The following FAHD2B variants were observed in gnomAD, a reference collection of about 807,000 sequenced individuals.
The protein encoded by FAHD2B is fumarylacetoacetate hydrolase domain containing 2B, also known as oxaloacetate tautomerase FAHD2B, mitochondrial.
A neutral mutation model predicts 33.7 loss-of-function variants in FAHD2B; 26 were observed. That is an observed-to-expected ratio of 0.77 (90% CI 0.57 to 1.07). The LOEUF (loss-of-function observed/expected upper bound fraction) is 1.07, where lower values mean the gene tolerates loss of function less well. FAHD2B is among the 50% of genes least tolerant of loss of function. FAHD2B has a pLI of 0.00. For synonymous variants in FAHD2B, 108 were observed against 150.9 expected (o/e 0.72, Z 2.08); for missense variants, 272 against 388.1 (o/e 0.70, Z 2.51).
downstream of FAHD2B, among the ~76,000 whole-genome samples, chr2:97,079,813 C>A (rs1406422781): frequency 7.2e-5 from 11 of 151,796 alleles, no homozygotes; most frequent in Admixed American, 7.2e-4. Context: ...TACAGGCATG[C>A]ACCACCACGC....
Position 97,083,734 on chromosome 2 carries a change from G to C in FAHD2B, c.*21C>G. ...GTGGGAGCAGATGCCCTCATCCTAT[G>C]TCGGGCCTGTGCAGGAGCCATCACA... On this transcript the variant is annotated 3_prime_UTR_variant, in exon 9 of 9. Transcript: ENST00000414820. 1 of 1,614,062 alleles carries C rather than the reference G, an allele frequency of 6.2e-7. No individual in the cohort carries two copies. Among genetic ancestry groups the C allele is most frequent in the Non-Finnish European group, 8.5e-7 (1 of 1,180,036 alleles).
chr2:97,083,102 C>T (rs2031715666), downstream of FAHD2B: 1 of 1,520,112 alleles, frequency 6.6e-7, no homozygotes, highest in African/African-American at 1.4e-5. Context: ...AGACACAGTC[C>T]CTGTGGTGAG....
chr2:97,081,264 A>G (rs2031635443), downstream of FAHD2B: 10 of 1,472,984 alleles, frequency 6.8e-6, no homozygotes, highest in Middle Eastern at 4.6e-4. Flanking sequence ...GGCCTCCCCT[A>G]CGGCCCACTT....
chr2:97,081,632 G>A, downstream of FAHD2B: 20 of 1,452,724 alleles, frequency 1.4e-5, no homozygotes, highest in Non-Finnish European at 1.8e-5. Context: ...TGTGGGGGTG[G>A]GCAGCCCCTG....
At chr2:97,081,341 C>T, downstream of FAHD2B, 7 of 1,559,780 alleles carry the variant, frequency 4.5e-6, no homozygotes, top group Non-Finnish European at 6.0e-6. Flanking sequence ...CCTCTGAAAC[C>T]TCCTGGGTGG....
At chr2:97,088,175 G>A (rs954226257) in intron 4 of FAHD2B, among the ~76,000 whole-genome samples, 19 of 152,056 alleles carry the variant, frequency 1.2e-4, no homozygotes, top group African/African-American at 1.9e-4. Context: ...TTTCTGTATC[G>A]TCCCTGGTGG....
In FAHD2B at chr2:97,083,987, T is replaced by C. The variant is rs1559134146; in HGVS notation, c.843A>G (p.Pro281=). ...GAGGTTTCCTGAATACACCGACACCTGGGGGGGTCCCAGTTAGGATGACAT... is the reference window on the plus strand; with the variant it reads ...GAGGTTTCCTGAATACACCGACACCCGGGGGGGTCCCAGTTAGGATGACAT... ...PGDVILTGTP[P]GVGVFRKPPV... Residue 281 remains proline (P), a synonymous_variant, in exon 8 of 9, where the codon CCA becomes CCG. Coordinates refer to ENST00000414820, the MANE Select transcript of FAHD2B (RefSeq NM_001320848.2). 6.2e-7 allele frequency: 1 copy of C among 1,613,558 alleles called. No individual in the cohort carries two copies.
chr2:97,090,300 G>T lies in FAHD2B; in HGVS notation c.271C>A (p.Leu91Ile). 2 of 1,613,350 alleles carry T rather than the reference G, an allele frequency of 1.2e-6. No homozygotes were observed. The highest frequency in any genetic ancestry group is 1.7e-6 in the Non-Finnish European group (2 of 1,179,726). Reference protein sequence around the residue: ...RRALAAQLPVLPWSEVTFLAP... With the variant: ...RRALAAQLPVIPWSEVTFLAP... Reference sequence around the variant, plus strand: ...AGGAAGGTTACCTCCGACCATGGTAGGACTGGCAACTGGGCAGCCAAGGCT... The same window carrying T: ...AGGAAGGTTACCTCCGACCATGGTATGACTGGCAACTGGGCAGCCAAGGCT... The change falls in exon 4 of 9, where the codon CTA (leucine) becomes ATA (isoleucine). Residue 91 changes from leucine (L) to isoleucine (I), a missense_variant. Transcript: ENST00000414820.
downstream of FAHD2B, among the ~76,000 whole-genome samples, chr2:97,080,601 AT>A (rs539408354): frequency 4.6e-4 from 69 of 151,082 alleles, no homozygotes; most frequent in African/African-American, 1.5e-3. Flanking sequence ...ATTTTAAAAT[AT>A]TTTTTTTTCT....
downstream of FAHD2B, chr2:97,082,804 C>T: frequency 2.3e-6 from 3 of 1,301,962 alleles, no homozygotes; most frequent in South Asian, 1.2e-5. Flanking sequence ...TGCTCCCACC[C>T]CAATAGAGTG....
chr2:97,086,473 A>C, intron 4 of FAHD2B: 1 of 478,650 alleles, frequency 2.1e-6, no homozygotes, highest in South Asian at 2.4e-5. Flanking sequence ...CTGAGTTTAA[A>C]AGTCACTCTG....
intron 6 of FAHD2B, among the ~76,000 whole-genome samples, chr2:97,084,546 C>T (rs1168753950): frequency 6.6e-6 from 1 of 151,780 alleles, no homozygotes; most frequent in African/African-American, 2.4e-5. Flanking sequence ...AGAAAAATGG[C>T]TAGGGTTTTT....
At chr2:97,080,456 T>C (rs939001602), downstream of FAHD2B, among the ~76,000 whole-genome samples, 28 of 152,112 alleles carry the variant, frequency 1.8e-4, no homozygotes, top group Non-Finnish European at 3.8e-4. Context: ...GTGTCTTTTC[T>C]TGCACCAGTG....
intron 2 of FAHD2B, 36 bp downstream of exon 2, chr2:97,091,827 A>G (rs1038573560): frequency 2.1e-6 from 3 of 1,462,206 alleles, no homozygotes; most frequent in African/African-American, 1.4e-5. Flanking sequence ...CGTTCCCTGC[A>G]TACCACACGG....
chr2:97,087,970 A>G (rs1301126403), intron 4 of FAHD2B, among the ~76,000 whole-genome samples: 1 of 152,032 alleles, frequency 6.6e-6, no homozygotes, highest in African/African-American at 2.4e-5. Context: ...ATCTTTGTAG[A>G]TCTCTTGATA....
intron 2 of FAHD2B, 57 bp from the exon 3 acceptor site, chr2:97,091,769 T>C (rs1408900258): frequency 1.3e-6 from 2 of 1,564,296 alleles, no homozygotes; most frequent in East Asian, 4.5e-5. Flanking sequence ...ATCATCAGCA[T>C]CCCTGATATT....
chr2:97,092,511 C>T (rs2032410354), intron 1 of FAHD2B, among the ~76,000 whole-genome samples: 1 of 152,168 alleles, frequency 6.6e-6, no homozygotes, highest in Admixed American at 6.6e-5. Flanking sequence ...GTCTCTTTCA[C>T]TGCCCAGCAC....
intron 1 of FAHD2B, among the ~76,000 whole-genome samples, chr2:97,092,488 A>G (rs1267431913): frequency 1.3e-5 from 2 of 152,146 alleles, no homozygotes; most frequent in African/African-American, 2.4e-5. Flanking sequence ...CCCTGGATCC[A>G]GGGCACATGT....
chr2:97,087,523 C>T (rs1389245756), intron 4 of FAHD2B, among the ~76,000 whole-genome samples: 10 of 151,894 alleles, frequency 6.6e-5, no homozygotes, highest in South Asian at 4.2e-4. Flanking sequence ...CATGGTGAAA[C>T]CCTGTCTCTA....
Sources: allele counts gnomAD v4.1 joint callset (sites outside exome capture counted in the v4.1 genomes callset), GRCh38; gene constraint gnomAD v4.1.1; transcripts MANE v1.5; gene names NCBI Gene and HGNC (gene_info 2026-07-23, HGNC 2026-07-21).